Variants in RIC1 observed in about 807,000 individuals in gnomAD.
RIC1 encodes the protein RIC1 partner of RAB6A GEF complex.
RIC1 carries 88 observed loss-of-function variants against 169.0 expected under a neutral mutation model. That is an observed-to-expected ratio of 0.52 (90% CI 0.44 to 0.62). The LOEUF is 0.62. Among genes scored for constraint, RIC1 ranks in the 20% least tolerant of loss-of-function variants. RIC1 has a pLI of 0.00. For missense variants in RIC1, 1,877 were observed against 1,725.5 expected, an observed-to-expected ratio of 1.09 and a Z score of -1.56; for synonymous variants, 790 against 601.5, an observed-to-expected ratio of 1.31 and a Z score of -4.59.
At chr9:5,750,403 T>C (rs1825651610) in intron 12 of RIC1, among the ~76,000 whole-genome samples, 1 of 151,732 alleles carries the variant, frequency 6.6e-6, no homozygotes, top group Admixed American at 6.6e-5. Flanking sequence ...ACCTACAGGG[T>C]ATCAGGCACT....
At chr9:5,745,631 A>G (rs1169151217) in intron 10 of RIC1, among the ~76,000 whole-genome samples, 1 of 152,198 alleles carries the variant, frequency 6.6e-6, no homozygotes, top group African/African-American at 2.4e-5. Flanking sequence ...TTAAAGCAAT[A>G]GAGAAGTTAC....
At chr9:5,756,136 C>G in intron 15 of RIC1, 76 bp from the exon 16 acceptor site, 3 of 785,206 alleles carry the variant, frequency 3.8e-6, no homozygotes, top group Non-Finnish European at 5.2e-6. Flanking sequence ...AAGTTAAAAA[C>G]AGCATGTTTA....
intron 3 of RIC1, among the ~76,000 whole-genome samples, chr9:5,691,338 A>G (rs780850838): frequency 1.3e-5 from 2 of 151,956 alleles, no homozygotes; most frequent in Admixed American, 6.6e-5. Flanking sequence ...GTAGAACTGT[A>G]GTGATTCTTC....
chr9:5,638,695 T>C (rs1318221431), intron 1 of RIC1, among the ~76,000 whole-genome samples: 1 of 152,202 alleles, frequency 6.6e-6, no homozygotes, highest in African/African-American at 2.4e-5. Context: ...TCCTTTCTTA[T>C]CTCTGATTTT....
chr9:5,645,498 CTTTCAT>C (rs1056196679), intron 1 of RIC1, among the ~76,000 whole-genome samples: 3 of 152,166 alleles, frequency 2.0e-5, no homozygotes, highest in African/African-American at 7.2e-5. Flanking sequence ...GTATCCAGAA[CTTTCAT>C]TTTCATTTTC....
At chr9:5,770,355 C>A in intron 23 of RIC1, 77 bp downstream of exon 23, 1 of 1,225,876 alleles carries the variant, frequency 8.2e-7, no homozygotes, top group South Asian at 1.5e-5. Flanking sequence ...AGAGATAGAC[C>A]TTCATTCTTT....
In RIC1 at chr9:5,756,324, G is replaced by C. The variant is rs763308771; in HGVS notation, c.1805G>C (p.Arg602Thr). ...SVFQDMVIVF[R>T]ADCSICLYSI... The stretch of plus-strand genomic sequence containing the variant: ...TTCCAGGACATGGTAATAGTATTTA[G>C]AGCAGACTGTTCAATATGCCTTTAC... The change falls in exon 16 of 26, where the codon AGA (arginine) becomes ACA (threonine). Residue 602 changes from arginine to threonine, a missense_variant. This residue lies in a region of RIC1 where 1,104 missense variants were observed against 992.0 expected (regional missense o/e 1.11). Coordinates refer to ENST00000414202, the MANE Select transcript of RIC1 (RefSeq NM_020829.4). 9 of 1,582,564 alleles carry C rather than the reference G, an allele frequency of 5.7e-6. No individual in the cohort carries two copies. The highest frequency in any genetic ancestry group is 7.8e-6 in the Non-Finnish European group (9 of 1,161,088).
chr9:5,727,720 T>C (rs1471154221), intron 6 of RIC1, among the ~76,000 whole-genome samples: 1 of 152,230 alleles, frequency 6.6e-6, no homozygotes, highest in East Asian at 1.9e-4. Flanking sequence ...TATGGGGTTT[T>C]GGTGTGGATG....
At chr9:5,773,176 T>A (rs1827347617) in intron 25 of RIC1, 96 bp downstream of exon 25, 3 of 477,544 alleles carry the variant, frequency 6.3e-6, no homozygotes, top group Non-Finnish European at 1.0e-5. Flanking sequence ...ATGTGTTACA[T>A]TTTATTTATT....
At chr9:5,644,087 C>A (rs576205135) in intron 1 of RIC1, among the ~76,000 whole-genome samples, 290 of 152,148 alleles carry the variant, frequency 1.9e-3, no homozygotes, top group African/African-American at 6.9e-3. Flanking sequence ...TTTTTAAGAG[C>A]TTTGAGGTGC....
intron 4 of RIC1, among the ~76,000 whole-genome samples, chr9:5,714,827 T>G (rs1387954720): frequency 2.0e-5 from 3 of 152,048 alleles, no homozygotes; most frequent in African/African-American, 7.2e-5. Flanking sequence ...ATGGGACAGG[T>G]TTGGGGGAAA....
Position 5,688,596 on chromosome 9 carries a change from AC to A in RIC1, c.253-1360del, listed in dbSNP as rs560182243. Among the ~76,000 whole-genome samples the A allele has an allele frequency of 1.7e-4, 26 of 152,218 alleles. No individual in the cohort carries two copies. In the South Asian group the frequency reaches 5.0e-3, roughly 29 times the overall value. On this transcript the variant is annotated intron_variant, in intron 2 of 25. Transcript: ENST00000414202. ...AGATGATCTTATCTGAAGAATTTTC[AC>A]CCTTTTGTTTTTGTATCTTACAGTG...
chr9:5,687,415 C>G (rs1167044058), intron 2 of RIC1, among the ~76,000 whole-genome samples: 2 of 152,128 alleles, frequency 1.3e-5, no homozygotes, highest in African/African-American at 2.4e-5. Flanking sequence ...TAATTTGTTT[C>G]TAGTTTAAGG....
chr9:5,673,225 C>T (rs532408758), intron 2 of RIC1, among the ~76,000 whole-genome samples: 4 of 151,856 alleles, frequency 2.6e-5, no homozygotes, highest in Middle Eastern at 3.4e-3. Flanking sequence ...TATGGAAGAC[C>T]ATCCTATTGA....
chr9:5,685,556 G>T (rs1382906805), intron 2 of RIC1, among the ~76,000 whole-genome samples: 2 of 150,550 alleles, frequency 1.3e-5, no homozygotes, highest in Admixed American at 1.3e-4. Flanking sequence ...ATGGTGCTGG[G>T]AAAACTGGCT....
At position 5,774,289 on chromosome 9, in the gene RIC1, G is replaced by GCTAATTAATTACAA; in HGVS notation, c.*44_*45insTAATTAATTACAAC. Reference sequence around the variant, plus strand: ...AAAGGGGCAGTATTAATTAGCAGCAGCGTGCAGCTCAGTACGTTGTAACAT... The same window carrying GCTAATTAATTACAA: ...AAAGGGGCAGTATTAATTAGCAGCAGCTAATTAATTACAACGTGCAGCTCAGTACGTTGTAACAT... On this transcript the variant is annotated 3_prime_UTR_variant, in exon 26 of 26. Coordinates refer to ENST00000414202, the MANE Select transcript of RIC1 (RefSeq NM_020829.4). 1.3e-6 allele frequency: 2 copies of GCTAATTAATTACAA among 1,530,344 alleles called. No homozygotes were observed. The highest frequency in any genetic ancestry group is 1.8e-6 in the Non-Finnish European group (2 of 1,124,758). 94.8% of individuals were successfully genotyped at this position (1,530,344 alleles called of 1,614,324 possible). A position where few individuals can be genotyped will look rare whatever the true frequency, so the allele number is the denominator to read the frequency against.
intron 1 of RIC1, among the ~76,000 whole-genome samples, chr9:5,636,197 C>G (rs1207121448): frequency 2.0e-5 from 3 of 152,124 alleles, no homozygotes; most frequent in Non-Finnish European, 2.9e-5. Context: ...CATAAGATAT[C>G]CAGCCATTTA....
intron 16 of RIC1, among the ~76,000 whole-genome samples, chr9:5,756,726 T>G (rs914491854): frequency 6.6e-6 from 1 of 152,174 alleles, no homozygotes; most frequent in African/African-American, 2.4e-5. Flanking sequence ...GTTCTACAAC[T>G]TTAAGACTGT....
rs372596330 is a variant in RIC1 at position 5,774,021 on chromosome 9, A to G, written c.4047A>G (p.Thr1349=). The G allele has an allele frequency of 1.1e-5, 18 of 1,613,926 alleles. No individual in the cohort carries two copies. The African/African-American group carries it at 2.1e-4, about 19-fold the overall frequency. The change falls in exon 26 of 26, where the codon ACA becomes ACG. Residue 1349 remains threonine (T), a synonymous_variant. Coordinates refer to ENST00000414202, the MANE Select transcript of RIC1 (RefSeq NM_020829.4). The stretch of plus-strand genomic sequence containing the variant: ...AACTGCAGAAGCTCAGTGAGATAAC[A>G]GAAGAGCAGGTCCAGCCAGATGCCT... ...KPQLQKLSEI[T]EEQVQPDAFQ...
Sources: allele counts gnomAD v4.1 joint callset (sites outside exome capture counted in the v4.1 genomes callset), GRCh38; gene constraint gnomAD v4.1.1; regional missense constraint gnomAD v4.1.1; transcripts MANE v1.5; gene names NCBI Gene and HGNC (gene_info 2026-07-23, HGNC 2026-07-21).